Variants in MEIOC observed in about 807,000 individuals in gnomAD.
The protein encoded by MEIOC is meiosis-specific coiled-coil domain-containing protein MEIOC.
Under a neutral mutation model 85.3 loss-of-function variants are expected in MEIOC, and 9 were observed. The ratio of observed to expected loss-of-function variants is 0.11; its 90% confidence interval spans 0.06 to 0.18. The LOEUF is 0.18. MEIOC is among the 10% of genes least tolerant of loss of function. MEIOC has a pLI of 1.00. For synonymous variants in MEIOC, 365 were observed against 393.7 expected (o/e 0.93, Z 0.86); for missense variants, 898 against 1,129.4 (o/e 0.80, Z 2.94).
At chr17:44,664,253 T>C (rs961529244) in intron 3 of MEIOC, among the ~76,000 whole-genome samples, 6 of 152,050 alleles carry the variant, frequency 3.9e-5, no homozygotes, top group Non-Finnish European at 7.4e-5. Flanking sequence ...TCCCAGCTAC[T>C]TGGGAGGCTG....
Position 44,674,365 on chromosome 17 carries a change from AATCCGATAT to A in MEIOC, c.*171_*179del. The A allele has an allele frequency of 7.1e-7, 1 of 1,402,840 alleles. No homozygotes were observed. The highest frequency in any genetic ancestry group is 9.3e-7 in the Non-Finnish European group (1 of 1,080,122). 86.9% of individuals were successfully genotyped at this position (1,402,840 alleles called of 1,614,324 possible). The stretch of plus-strand genomic sequence containing the variant: ...ATTTAAAAATCTTCTATTTGAAGTG[AATCCGATAT>A]AGTTTTAAGTAAACGCAAAGGTACA... On this transcript the variant is annotated 3_prime_UTR_variant, in exon 8 of 8. Coordinates refer to ENST00000409122, the MANE Select transcript of MEIOC (RefSeq NM_001145080.3).
chr17:44,665,202 A>T, intron 3 of MEIOC, 182 bp from the exon 4 acceptor site: 4 of 977,590 alleles, frequency 4.1e-6, no homozygotes, highest in Non-Finnish European at 5.2e-6. Flanking sequence ...TGTGGAAAAG[A>T]CATTTCCACA....
intron 2 of MEIOC, among the ~76,000 whole-genome samples, 190 bp from the exon 3 acceptor site, chr17:44,662,127 T>C (rs1324267704): frequency 6.6e-6 from 1 of 152,198 alleles, no homozygotes; most frequent in Admixed American, 6.6e-5. Flanking sequence ...CCTAAAATAT[T>C]TACTATTTGG....
At chr17:44,672,427 A>AT (rs1972026875) in intron 6 of MEIOC, among the ~76,000 whole-genome samples, 1 of 152,190 alleles carries the variant, frequency 6.6e-6, no homozygotes, top group South Asian at 2.1e-4. Flanking sequence ...AGAGGAAAAT[A>AT]TTTAACATAC....
chr17:44,674,505 C>T lies in MEIOC; in HGVS notation c.*309C>T, dbSNP rs933307101. Reference sequence around the variant, plus strand: ...ACTCATTCTGCCATGCAGGTAAATGCAAATGTGAAATTCTTCTAGGAGATA... The same window carrying T: ...ACTCATTCTGCCATGCAGGTAAATGTAAATGTGAAATTCTTCTAGGAGATA... On this transcript the variant is annotated 3_prime_UTR_variant, in exon 8 of 8. Transcript: ENST00000409122. The T allele has an allele frequency of 9.5e-7, 1 of 1,056,866 alleles. No homozygotes were observed. Among genetic ancestry groups the T allele is most frequent in the African/African-American group, 1.7e-5 (1 of 60,080 alleles). 65.5% of individuals were successfully genotyped at this position (1,056,866 alleles called of 1,614,324 possible).
In MEIOC at chr17:44,675,011, TGAC is replaced by T. The variant is rs1463574932; in HGVS notation, c.*816_*818del. On this transcript the variant is annotated 3_prime_UTR_variant, in exon 8 of 8. Transcript: ENST00000409122. ...ACTTGATGCACAGTAACTGAAATAA[TGAC>T]TACTGTTTTAATACCCTTAGTTTGC... 7 of 984,128 alleles carry T rather than the reference TGAC, an allele frequency of 7.1e-6. No individual in the cohort carries two copies. The highest frequency in any genetic ancestry group is 7.2e-6 in the Non-Finnish European group (6 of 828,840). The allele number at this position is 984,128 out of a possible 1,614,324, so 61.0% of individuals were successfully genotyped here. A position where few individuals can be genotyped will look rare whatever the true frequency, so the allele number is the denominator to read the frequency against.
intron 2 of MEIOC, among the ~76,000 whole-genome samples, chr17:44,659,102 G>A (rs1489202816): frequency 6.6e-6 from 1 of 151,934 alleles, no homozygotes; most frequent in Non-Finnish European, 1.5e-5. Context: ...TAAAGCTTGG[G>A]TAATGTAAGT....
rs752289652 is a variant in MEIOC, at chr17:44,666,991, A to G, written c.1080A>G (p.Thr360=). 1 of 1,613,596 alleles carries G rather than the reference A, an allele frequency of 6.2e-7. No homozygotes were observed. Among genetic ancestry groups the G allele is most frequent in the Admixed American group, 1.7e-5 (1 of 59,920 alleles). ...SKKLANGTPE[T]PTVEADTYTK... ...AATTAGCCAATGGCACACCTGAAAC[A>G]CCAACTGTAGAAGCAGACACCTACA... The change falls in exon 5 of 8, where the codon ACA becomes ACG. Residue 360 remains threonine, a synonymous_variant. Transcript: ENST00000409122.
Position 44,656,555 on chromosome 17 carries a change from C to T in MEIOC, c.-59C>T. The T allele has an allele frequency of 7.7e-7, 1 of 1,291,580 alleles. No homozygotes were observed. The highest frequency in any genetic ancestry group is 1.0e-6 in the Non-Finnish European group (1 of 990,838). 80.0% of individuals were successfully genotyped at this position (1,291,580 alleles called of 1,614,324 possible). On this transcript the variant is annotated 5_prime_UTR_variant, in exon 1 of 8. Transcript: ENST00000409122. ...GAGGGAGCCGGGCCTGGACGCCCCC[C>T]CCATCACCCCCGTACCCCAGGAGCT... is the stretch of plus-strand genomic sequence containing the variant.
At position 44,674,096 on chromosome 17, in the gene MEIOC, T is replaced by C; in HGVS notation, c.2759T>C (p.Val920Ala). The change falls in exon 8 of 8, where the codon GTA (valine) becomes GCA (alanine). Residue 920 changes from valine (V) to alanine (A), a missense_variant. Around this residue, in one of 2 missense-constraint regions of MEIOC, gnomAD observed 164 missense variants for 269.2 expected, o/e 0.61. Coordinates refer to ENST00000409122, the MANE Select transcript of MEIOC (RefSeq NM_001145080.3). The part of the protein sequence containing the change: ...LPKTASTADV[V>A]KPLQDTVNCE... ...AAAACAGCCAGTACAGCTGATGTGG[T>C]AAAGCCTTTACAAGATACAGTAAAC... 1.9e-6 allele frequency: 3 copies of C among 1,551,718 alleles called. No homozygotes were observed. Among genetic ancestry groups the C allele is most frequent in the Non-Finnish European group, 2.6e-6 (3 of 1,147,010 alleles).
Position 44,658,402 on chromosome 17 carries a change from G to A in MEIOC, c.204+1141G>A, listed in dbSNP as rs375985615. 7.4e-3 allele frequency among the ~76,000 whole-genome samples: 1,110 copies of A among 150,774 alleles called. 46 individuals are homozygous for A. Among genetic ancestry groups the A allele is most frequent in the East Asian group, 0.069 (345 of 4,982 alleles). On this transcript the variant is annotated intron_variant, in intron 2 of 7. Transcript: ENST00000409122. ...GATCTCCTGACCTCGTGATCCGCTC[G>A]CCTCAGCCTCCCAAAGTGCTGGGAT...
At chr17:44,676,224 T>C (rs1376120724), downstream of MEIOC, 2 of 152,238 alleles carry the variant, frequency 1.3e-5, no homozygotes, top group Admixed American at 1.3e-4. Context: ...TGTACTTGTA[T>C]TTCTGAATTA....
chr17:44,670,262 C>CAAAAAAA (rs372859968), intron 6 of MEIOC: 3 of 106,502 alleles, frequency 2.8e-5, no homozygotes, highest in African/African-American at 7.3e-5. Context: ...GATCTTGTCT[C>CAAAAAAA]AAAAAAAAAA....
intron 6 of MEIOC, among the ~76,000 whole-genome samples, chr17:44,671,838 G>A (rs1972016713): frequency 6.6e-6 from 1 of 151,644 alleles, no homozygotes; most frequent in Non-Finnish European, 1.5e-5. Flanking sequence ...CCTGGCAGAC[G>A]GAGCTTGCAG....
At chr17:44,658,503 ATAAGT>A (rs1471586782) in intron 2 of MEIOC, among the ~76,000 whole-genome samples, 5 of 151,304 alleles carry the variant, frequency 3.3e-5, no homozygotes, top group Non-Finnish European at 7.4e-5. Flanking sequence ...TGCTTTGAAA[ATAAGT>A]TAAGGGCCGG....
At chr17:44,676,907 A>C, downstream of MEIOC, 2 of 976,408 alleles carry the variant, frequency 2.0e-6, no homozygotes, top group East Asian at 1.1e-4. Context: ...GTGGATAACT[A>C]AACTCAAAGC....
In MEIOC at chr17:44,662,406, A is replaced by C. The variant is rs1042001562; in HGVS notation, c.294A>C (p.Ala98=). 5 of 1,549,634 alleles carry C rather than the reference A, an allele frequency of 3.2e-6. No homozygotes were observed. Among genetic ancestry groups the C allele is most frequent in the East Asian group, 2.4e-5 (1 of 40,878 alleles). The change falls in exon 3 of 8, where the codon GCA becomes GCC. Residue 98 remains alanine, a synonymous_variant. Transcript: ENST00000409122. ...SSSVDSSLFC[A]PWSTYGDDIK... ...CTGTAGATTCTTCACTTTTCTGTGC[A>C]CCATGGTCTACTTATGGAGATGACA...
chr17:44,674,107 C>T lies in MEIOC; in HGVS notation c.2770C>T (p.Gln924Ter), dbSNP rs1347638345. 1 of 1,551,570 alleles carries T rather than the reference C, an allele frequency of 6.4e-7. No homozygotes were observed. Among genetic ancestry groups the T allele is most frequent in the East Asian group, 2.4e-5 (1 of 40,912 alleles). Residue 924 changes from glutamine to a stop codon, truncating the protein, a stop_gained, in exon 8 of 8, where the codon CAA becomes TAA. Coordinates refer to ENST00000409122, the MANE Select transcript of MEIOC (RefSeq NM_001145080.3). LOFTEE classifies it high-confidence loss of function. ...ASTADVVKPLQDTVNCEDKVH... is the reference protein window; with the variant it reads ...ASTADVVKPL ...TACAGCTGATGTGGTAAAGCCTTTA[C>T]AAGATACAGTAAACTGTGAAGATAA... is the stretch of plus-strand genomic sequence containing the variant.
intron 6 of MEIOC, among the ~76,000 whole-genome samples, chr17:44,671,798 C>T (rs939324528): frequency 4.0e-5 from 6 of 151,278 alleles, no homozygotes; most frequent in African/African-American, 9.7e-5. Flanking sequence ...CCCAGCTACT[C>T]GGGAGGCTGA....
Sources: allele counts gnomAD v4.1 joint callset (sites outside exome capture counted in the v4.1 genomes callset), GRCh38; gene constraint gnomAD v4.1.1; regional missense constraint gnomAD v4.1.1; transcripts MANE v1.5; gene names NCBI Gene and HGNC (gene_info 2026-07-23, HGNC 2026-07-21).